The following FOXK1 variants were observed in gnomAD, a reference collection of about 807,000 sequenced individuals.
FOXK1 encodes forkhead box K1, also known as forkhead box protein K1.
A neutral mutation model predicts 51.9 loss-of-function variants in FOXK1; 19 were observed. The observed-to-expected ratio is 0.37, with a 90% CI of 0.26 to 0.54. FOXK1 has a LOEUF of 0.54. Ranked by LOEUF, FOXK1 falls within the 20% of genes least tolerant of loss-of-function variation. The pLI, the probability that FOXK1 is intolerant of heterozygous loss-of-function variation, is 0.87. For synonymous variants in FOXK1, 537 were observed against 482.6 expected (o/e 1.11, Z -1.48); for missense variants, 870 against 1,032.7 (o/e 0.84, Z 2.16).
chr7:4,691,513 T>G (rs1007739433), intron 1 of FOXK1, among the ~76,000 whole-genome samples: 6 of 151,830 alleles, frequency 4.0e-5, no homozygotes, highest in Non-Finnish European at 8.8e-5. Flanking sequence ...TTTTGTATTT[T>G]TAGTGGAGAC....
chr7:4,706,498 A>T (rs1780104350), intron 1 of FOXK1, among the ~76,000 whole-genome samples: 1 of 152,068 alleles, frequency 6.6e-6, no homozygotes, highest in Non-Finnish European at 1.5e-5. Context: ...TTGGGGGCCC[A>T]TCGGAGACAG....
Position 4,748,191 on chromosome 7 carries a change from AT to A in FOXK1, c.747-6266del, listed in dbSNP as rs1183699217. Among the ~76,000 whole-genome samples the A allele has an allele frequency of 6.6e-6, 1 of 151,888 alleles. No individual in the cohort carries two copies. The highest frequency in any genetic ancestry group is 2.4e-5 in the African/African-American group (1 of 41,340). On this transcript the variant is annotated intron_variant, in intron 2 of 8. Transcript: ENST00000328914. The surrounding 1 kb of genome is among the most constrained non-coding windows in gnomAD (Gnocchi z 4.9). ...AATGCAAACATTTCAGAAAGTGAAAATTCCCCCACACAACGCTCCCCAGAGC... is the reference window on the plus strand; with the variant it reads ...AATGCAAACATTTCAGAAAGTGAAAATCCCCCACACAACGCTCCCCAGAGC...
In FOXK1 at chr7:4,711,052, A is replaced by G. The variant is rs770091671; in HGVS notation, c.560+28184A>G. Among the ~76,000 whole-genome samples, 1 of 152,204 alleles carries G rather than the reference A, an allele frequency of 6.6e-6. No individual in the cohort carries two copies. The highest frequency in any genetic ancestry group is 1.5e-5 in the Non-Finnish European group (1 of 68,036). The stretch of plus-strand genomic sequence containing the variant: ...AGCAGCCTGGCTTTAGAGAACGCTT[A>G]GAGAAGATGGAGATGGATGGAGACG... On this transcript the variant is annotated intron_variant, in intron 1 of 8. Coordinates refer to ENST00000328914, the MANE Select transcript of FOXK1 (RefSeq NM_001037165.2). This position sits in a 1 kb window ranked among gnomAD's most constrained non-coding sequence, Gnocchi z 6.3.
At position 4,735,189 on chromosome 7, in the gene FOXK1, G is replaced by A. The variant is rs1373303229; in HGVS notation, c.561-5649G>A. On this transcript the variant is annotated intron_variant, in intron 1 of 8. Transcript: ENST00000328914. This position sits in a 1 kb window ranked among gnomAD's most constrained non-coding sequence, Gnocchi z 4.7. Reference sequence around the variant, plus strand: ...CAGCTCGCTGTGTAGAGACGGCTCTGTGGTCTGAGGCTGAGCCAGGCAGTG... The same window carrying A: ...CAGCTCGCTGTGTAGAGACGGCTCTATGGTCTGAGGCTGAGCCAGGCAGTG... Among the ~76,000 whole-genome samples, 2 of 152,006 alleles carry A rather than the reference G, an allele frequency of 1.3e-5. No homozygotes were observed. The highest frequency in any genetic ancestry group is 2.9e-5 in the Non-Finnish European group (2 of 68,000).
intron 1 of FOXK1, among the ~76,000 whole-genome samples, chr7:4,713,320 C>T (rs569939228): frequency 1.6e-4 from 25 of 152,148 alleles, no homozygotes; most frequent in Non-Finnish European, 3.4e-4. Context: ...CTGGGATTCC[C>T]GCTCACTGAG....
At chr7:4,697,258 C>A (rs1446174525) in intron 1 of FOXK1, among the ~76,000 whole-genome samples, 1 of 152,126 alleles carries the variant, frequency 6.6e-6, no homozygotes, top group Non-Finnish European at 1.5e-5. Context: ...AAGCCAGTGA[C>A]CAGAGCTCAG....
At chr7:4,718,939 A>G (rs995227252) in intron 1 of FOXK1, among the ~76,000 whole-genome samples, 2 of 151,966 alleles carry the variant, frequency 1.3e-5, no homozygotes, top group African/African-American at 4.8e-5. Context: ...CCTCCCGAGT[A>G]GTTAGGATTA....
rs1302257219 is a variant in FOXK1 at position 4,705,974 on chromosome 7, GTA to G, written c.560+23113_560+23114del. ...TATATATATATGTATATATATATAC[GTA>G]TATATACGTATATATACGTATATAT... On this transcript the variant is annotated intron_variant, in intron 1 of 8. Coordinates refer to ENST00000328914, the MANE Select transcript of FOXK1 (RefSeq NM_001037165.2). Among the ~76,000 whole-genome samples, 30 of 67,706 alleles carry G rather than the reference GTA, an allele frequency of 4.4e-4. 3 individuals carry two copies. The highest frequency in any genetic ancestry group is 1.4e-3 in the African/African-American group (16 of 11,482). The allele number at this position is 67,706 out of a possible 152,430, so 44.4% of individuals were successfully genotyped here. A position where few individuals can be genotyped will look rare whatever the true frequency, so the allele number is the denominator to read the frequency against.
In FOXK1 at chr7:4,709,215, C is replaced by T. The variant is rs1780143826; in HGVS notation, c.560+26347C>T. On this transcript the variant is annotated intron_variant, in intron 1 of 8. Transcript: ENST00000328914. This position sits in a 1 kb window ranked among gnomAD's most constrained non-coding sequence, Gnocchi z 5.6. ...CCAGGATACCCCCGTGCCTTACCCA[C>T]GCTATTTGCTGCCTGGCATCCCCAC... 6.6e-6 allele frequency among the ~76,000 whole-genome samples: 1 copy of T among 152,178 alleles called. No homozygotes were observed. The highest frequency in any genetic ancestry group is 1.5e-5 in the Non-Finnish European group (1 of 68,020).
Position 4,755,481 on chromosome 7 carries a change from A to AG in FOXK1, c.1050+103dup, listed in dbSNP as rs1266818302. On this transcript the variant is annotated intron_variant, in intron 4 of 8. Transcript: ENST00000328914. This position sits in a 1 kb window ranked among gnomAD's most constrained non-coding sequence, Gnocchi z 6.6. ...CCCTTAAAACAGAAGAGGGCCAGTGAGGGGGCTCACGCCTGGAACCCTAGC... is the reference window on the plus strand; with the variant it reads ...CCCTTAAAACAGAAGAGGGCCAGTGAGGGGGGCTCACGCCTGGAACCCTAGC... The AG allele has an allele frequency of 1.9e-5, 28 of 1,505,266 alleles. No homozygotes were observed. In the African/African-American group the frequency reaches 3.0e-4, roughly 16 times the overall value. The allele number at this position is 1,505,266 out of a possible 1,614,324, so 93.2% of individuals were successfully genotyped here.
intron 1 of FOXK1, among the ~76,000 whole-genome samples, chr7:4,725,831 A>G (rs972414101): frequency 6.6e-5 from 10 of 152,198 alleles, no homozygotes; most frequent in South Asian, 6.2e-4. Flanking sequence ...TCAGAGGGGT[A>G]GGGAGCCAGG....
Position 4,763,327 on chromosome 7 carries a change from G to T in FOXK1, c.*863G>T, listed in dbSNP as rs1780963711. Reference sequence around the variant, plus strand: ...CATCGCGCTGCTGGGGACGATTGGGGCCGCTGCTCTGCAGACCAGACCTTC... The same window carrying T: ...CATCGCGCTGCTGGGGACGATTGGGTCCGCTGCTCTGCAGACCAGACCTTC... On this transcript the variant is annotated 3_prime_UTR_variant, in exon 9 of 9. Transcript: ENST00000328914. 1 of 152,264 alleles carries T rather than the reference G, an allele frequency of 6.6e-6. No individual in the cohort carries two copies. The highest frequency in any genetic ancestry group is 2.1e-4 in the South Asian group (1 of 4,832). The allele number at this position is 152,264 out of a possible 1,614,324, so 9.4% of individuals were successfully genotyped here.
rs57720832 is a variant in FOXK1 at position 4,723,390 on chromosome 7, G to A, written c.561-17448G>A. ...CAAAGCTGTTTTTGTTTTCTGTGGG[G>A]TTTTTTTTTTGGACGTTCCCAGCTG... On this transcript the variant is annotated intron_variant, in intron 1 of 8. Transcript: ENST00000328914. This position sits in a 1 kb window ranked among gnomAD's most constrained non-coding sequence, Gnocchi z 4.7. 3.4e-5 allele frequency among the ~76,000 whole-genome samples: 5 copies of A among 147,964 alleles called. No homozygotes were observed. Among genetic ancestry groups the A allele is most frequent in the African/African-American group, 1.2e-4 (5 of 40,374 alleles).
chr7:4,726,094 A>G (rs1016758323), intron 1 of FOXK1, among the ~76,000 whole-genome samples: 2 of 150,940 alleles, frequency 1.3e-5, no homozygotes, highest in Non-Finnish European at 2.9e-5. Context: ...GGCTCTCTTG[A>G]GCTTTGCCGC....
Position 4,730,167 on chromosome 7 carries a change from C to A in FOXK1, c.561-10671C>A, listed in dbSNP as rs1780431781. 6.6e-6 allele frequency among the ~76,000 whole-genome samples: 1 copy of A among 152,210 alleles called. No homozygotes were observed. The highest frequency in any genetic ancestry group is 2.4e-5 in the African/African-American group (1 of 41,446). On this transcript the variant is annotated intron_variant, in intron 1 of 8. Coordinates refer to ENST00000328914, the MANE Select transcript of FOXK1 (RefSeq NM_001037165.2). The surrounding 1 kb of genome is among the most constrained non-coding windows in gnomAD (Gnocchi z 4.7). Reference sequence around the variant, plus strand: ...GATTACAAAAATAGATGCATTCTCCCTATTTAAACAAATTAGGCCCTATGA... The same window carrying A: ...GATTACAAAAATAGATGCATTCTCCATATTTAAACAAATTAGGCCCTATGA...
rs1400594408 is a variant in FOXK1 at position 4,745,750 on chromosome 7, A to G, written c.746+4727A>G. 3.9e-5 allele frequency among the ~76,000 whole-genome samples: 6 copies of G among 151,908 alleles called. No individual in the cohort carries two copies. Among genetic ancestry groups the G allele is most frequent in the Non-Finnish European group, 8.8e-5 (6 of 68,000 alleles). On this transcript the variant is annotated intron_variant, in intron 2 of 8. Transcript: ENST00000328914. This position sits in a 1 kb window ranked among gnomAD's most constrained non-coding sequence, Gnocchi z 4.3. Reference sequence around the variant, plus strand: ...GAAACCCCATCTCTACTGAAAATACAAAAATGAGCCAGGTGTGTAATCCAA... The same window carrying G: ...GAAACCCCATCTCTACTGAAAATACGAAAATGAGCCAGGTGTGTAATCCAA...
At chr7:4,704,496 C>G (rs1266319501) in intron 1 of FOXK1, among the ~76,000 whole-genome samples, 1 of 147,632 alleles carries the variant, frequency 6.8e-6, no homozygotes, top group East Asian at 2.0e-4. Context: ...TTCCTTTCAT[C>G]AAAACACAAA....
At chr7:4,714,920 G>A (rs1679533321) in intron 1 of FOXK1, among the ~76,000 whole-genome samples, 1 of 152,132 alleles carries the variant, frequency 6.6e-6, no homozygotes, top group Non-Finnish European at 1.5e-5. Context: ...TGTGCTTTTG[G>A]GAAGTCTGCG....
intron 1 of FOXK1, among the ~76,000 whole-genome samples, chr7:4,726,804 T>C (rs897264247): frequency 6.6e-6 from 1 of 152,216 alleles, no homozygotes; most frequent in African/African-American, 2.4e-5. Context: ...CACAGGCGCT[T>C]TCCCTCAAAC....
Sources: gnomAD v4.1 joint callset for allele counts (sites outside exome capture counted in the v4.1 genomes callset) on GRCh38, gnomAD v4.1.1 for gene constraint, Gnocchi (gnomAD v3.1) non-coding constraint, MANE v1.5 for transcripts, NCBI Gene and HGNC (gene_info 2026-07-23, HGNC 2026-07-21) for gene names.